EIF4G3: variants seen among roughly 807,000 people sequenced by gnomAD.
EIF4G3 encodes eukaryotic translation initiation factor 4 gamma 3, also known as eIF-4-gamma 3.
Under a neutral mutation model 186.4 loss-of-function variants are expected in EIF4G3, and 34 were observed. That is an observed-to-expected ratio of 0.18 (90% confidence interval 0.14 to 0.24). EIF4G3 has a LOEUF of 0.24. Ranked by LOEUF, EIF4G3 falls within the 10% of genes least tolerant of loss-of-function variation. EIF4G3 has a pLI of 1.00. For synonymous variants in EIF4G3, 673 were observed against 679.5 expected (o/e 0.99, Z 0.15); for missense variants, 1,536 against 1,948.5 (o/e 0.79, Z 3.99).
chr1:20,959,226 T>G (rs775854757), intron 12 of EIF4G3, among the ~76,000 whole-genome samples: 3 of 152,002 alleles, frequency 2.0e-5, no homozygotes, highest in Non-Finnish European at 4.4e-5. Flanking sequence ...AACCCAGAAG[T>G]AAAGCCAAGA....
chr1:21,171,351 T>C (rs993073511), intron 2 of EIF4G3, among the ~76,000 whole-genome samples: 1 of 152,226 alleles, frequency 6.6e-6, no homozygotes, highest in Non-Finnish European at 1.5e-5. Flanking sequence ...TATCTCATAA[T>C]GAACTAACTG....
intron 34 of EIF4G3, among the ~76,000 whole-genome samples, chr1:20,813,965 T>G (rs1329114104): frequency 1.4e-5 from 2 of 139,672 alleles, no homozygotes; most frequent in African/African-American, 2.7e-5. Flanking sequence ...TTTTTTTTTT[T>G]TTTTGAGACT....
At chr1:21,053,555 C>A (rs1451279279) in intron 3 of EIF4G3, among the ~76,000 whole-genome samples, 3 of 144,330 alleles carry the variant, frequency 2.1e-5, no homozygotes, top group Middle Eastern at 3.8e-3. Context: ...GGGGGGTCAG[C>A]CCCCCGCCCG....
intron 2 of EIF4G3, among the ~76,000 whole-genome samples, chr1:21,134,729 T>C (rs1271322302): frequency 6.6e-6 from 1 of 152,170 alleles, no homozygotes; most frequent in Non-Finnish European, 1.5e-5. Context: ...AAATTCAGGA[T>C]ACCACTTATC....
chr1:20,862,391 AT>A, intron 22 of EIF4G3, 59 bp from the exon 23 acceptor site: 1 of 999,868 alleles, frequency 1.0e-6, no homozygotes. Context: ...AATTTTACCA[AT>A]TTACAGTTAT....
At chr1:20,934,794 T>C (rs1246964061) in intron 14 of EIF4G3, among the ~76,000 whole-genome samples, 1 of 151,952 alleles carries the variant, frequency 6.6e-6, no homozygotes, top group Non-Finnish European at 1.5e-5. Flanking sequence ...AAGAGGAAAA[T>C]CACAGATTTT....
rs776441355 is a variant in EIF4G3 at position 20,813,227 on chromosome 1, C to T, written c.4528G>A (p.Glu1510Lys). 1.7e-5 allele frequency: 27 copies of T among 1,612,756 alleles called. No individual in the cohort carries two copies. Among genetic ancestry groups the T allele is most frequent in the Admixed American group, 3.3e-5 (2 of 59,930 alleles). Residue 1510 changes from glutamate to lysine, a missense_variant, in exon 35 of 37, where the codon GAA (glutamate) becomes AAA (lysine). By Grantham distance (56) the Glu-to-Lys change is moderately conservative. Transcript: ENST00000602326. Reference sequence around the variant, plus strand: ...AATGTAGGTGAACTCATCTGGATTTCGTCTAGATTAGCCTGAAGTCAAAAA... The same window carrying T: ...AATGTAGGTGAACTCATCTGGATTTTGTCTAGATTAGCCTGAAGTCAAAAA... ...IFDWVEANLD[E>K]IQMSSPTFLR...
Position 20,986,744 on chromosome 1 carries a change from CAAAAAAAAA to C in EIF4G3, c.178-4345_178-4337del, listed in dbSNP as rs61255473. On this transcript the variant is annotated intron_variant, in intron 7 of 36. Transcript: ENST00000602326. ...AGCCTGGGCGACAGAGCTCTGTCTC[CAAAAAAAAA>C]AAAAAAAAAAAAAAAAAAGAAAACT... 2.4e-3 allele frequency among the ~76,000 whole-genome samples: 157 copies of C among 66,314 alleles called. No individual in the cohort carries two copies. In the East Asian group the frequency reaches 0.054, roughly 23 times the overall value. The allele number at this position is 66,314 out of a possible 152,430, so 43.5% of individuals were successfully genotyped here. A position where few individuals can be genotyped will look rare whatever the true frequency, so the allele number is the denominator to read the frequency against.
chr1:20,963,645 T>C (rs557019616), intron 12 of EIF4G3, among the ~76,000 whole-genome samples: 2 of 152,206 alleles, frequency 1.3e-5, no homozygotes, highest in South Asian at 4.2e-4. Context: ...AGGTACATAA[T>C]TCATTTTTAA....
intron 3 of EIF4G3, among the ~76,000 whole-genome samples, chr1:21,078,828 T>C (rs2095670083): frequency 6.6e-6 from 1 of 151,976 alleles, no homozygotes; most frequent in Admixed American, 6.6e-5. Context: ...CTACTAAAAA[T>C]ACAAAAATTC....
intron 35 of EIF4G3, among the ~76,000 whole-genome samples, chr1:20,811,239 C>T (rs2154543636): frequency 6.6e-6 from 1 of 152,090 alleles, no homozygotes; most frequent in South Asian, 2.1e-4. Context: ...CAGGCATGAG[C>T]CACTGCTCCT....
At chr1:21,110,692 A>G (rs1572703260) in intron 2 of EIF4G3, among the ~76,000 whole-genome samples, 1 of 151,812 alleles carries the variant, frequency 6.6e-6, no homozygotes, top group Non-Finnish European at 1.5e-5. Context: ...CAGCCTCCCA[A>G]AGTGCTTGGG....
chr1:20,907,385 T>A lies in EIF4G3; in HGVS notation c.1664-2414A>T, dbSNP rs183922165. Among the ~76,000 whole-genome samples, 423 of 152,280 alleles carry A rather than the reference T, an allele frequency of 2.8e-3. 1 individual carries two copies. The highest frequency in any genetic ancestry group is 6.8e-3 in the Middle Eastern group (2 of 294). On this transcript the variant is annotated intron_variant, in intron 14 of 36. Transcript: ENST00000602326. ...CTGATTTCCAGATTTTTGCAAATTT[T>A]TTTTTAAATTTTATTATTATTATAC...
chr1:20,849,394 T>C, intron 29 of EIF4G3, 21 bp downstream of exon 29: 1 of 1,345,080 alleles, frequency 7.4e-7, no homozygotes, highest in South Asian at 1.4e-5. Flanking sequence ...GTGTGTGTGT[T>C]TTTTTTTTAA....
intron 2 of EIF4G3, among the ~76,000 whole-genome samples, chr1:21,156,524 CA>C (rs2097664100): frequency 6.6e-6 from 1 of 152,176 alleles, no homozygotes; most frequent in Non-Finnish European, 1.5e-5. Flanking sequence ...TCAAATCCAA[CA>C]TGTCCTAAAC....
At chr1:21,146,357 T>C (rs1279338666) in intron 2 of EIF4G3, among the ~76,000 whole-genome samples, 1 of 152,204 alleles carries the variant, frequency 6.6e-6, no homozygotes, top group Non-Finnish European at 1.5e-5. Flanking sequence ...AGCAAGACCC[T>C]GTCTCAAAAA....
intron 17 of EIF4G3, among the ~76,000 whole-genome samples, chr1:20,893,882 T>G (rs2275468): frequency 0.59 from 86,149 of 146,314 alleles, 25,706 homozygotes; most frequent in East Asian, 0.83. Flanking sequence ...GTAGGGGCTA[T>G]ACATAATCAG....
chr1:21,035,597 G>A lies in EIF4G3; in HGVS notation c.-67+15269C>T, dbSNP rs1036296289. Among the ~76,000 whole-genome samples the A allele has an allele frequency of 4.6e-5, 7 of 152,360 alleles. No homozygotes were observed. In the South Asian group the frequency reaches 8.3e-4, roughly 18 times the overall value. On this transcript the variant is annotated intron_variant, in intron 4 of 36. Coordinates refer to ENST00000602326, the MANE Select transcript of EIF4G3 (RefSeq NM_001391906.1). ...CATAGGCTCAGGGCAGCACTGACCC[G>A]CTGGGTCCCTTCCAGCTTGGCCCCT...
chr1:20,868,195 G>C (rs957946139), intron 20 of EIF4G3, among the ~76,000 whole-genome samples: 3 of 141,592 alleles, frequency 2.1e-5, no homozygotes, highest in South Asian at 2.3e-4. Flanking sequence ...CACTGAGATT[G>C]GTTAGTTGGA....
Sources: allele counts gnomAD v4.1 joint callset (sites outside exome capture counted in the v4.1 genomes callset), GRCh38; gene constraint gnomAD v4.1.1; transcripts MANE v1.5; gene names NCBI Gene and HGNC (gene_info 2026-07-23, HGNC 2026-07-21).